Variants in CTNNA3 observed in about 807,000 individuals in gnomAD.
CTNNA3 encodes catenin alpha 3.
A neutral mutation model predicts 95.7 loss-of-function variants in CTNNA3; 76 were observed. The observed-to-expected ratio is 0.79, with a 90% CI of 0.66 to 0.96. CTNNA3 has a LOEUF of 0.96. Ranked by LOEUF, CTNNA3 falls within the 40% of genes least tolerant of loss-of-function variation. The pLI is 0.00. For synonymous variants in CTNNA3, 431 were observed against 374.4 expected (o/e 1.15, Z -1.74); for missense variants, 1,191 against 1,089.8 (o/e 1.09, Z -1.31).
chr10:67,380,039 A>AAAAG (rs1190172168), intron 5 of CTNNA3, among the ~76,000 whole-genome samples: 7 of 151,074 alleles, frequency 4.6e-5, no homozygotes, highest in Admixed American at 6.6e-5. Flanking sequence ...AAAAAAAAAA[A>AAAAG]AAAAGAATTA....
rs80117776 is a variant in CTNNA3 at position 67,079,993 on chromosome 10, G to A, written c.1047+100324C>T. The stretch of plus-strand genomic sequence containing the variant: ...AAATTGCTGTAGTTAGAGGAGGGTG[G>A]TTGTACAAGGTTTTGGTTTTGTTTT... On this transcript the variant is annotated intron_variant, in intron 7 of 17. Transcript: ENST00000433211. Among the ~76,000 whole-genome samples, 1,380 of 152,044 alleles carry A rather than the reference G, an allele frequency of 9.1e-3. 55 individuals carry two copies. In the East Asian group the frequency reaches 0.12, roughly 13 times the overall value.
chr10:67,616,159 G>T (rs1467943089), intron 2 of CTNNA3, among the ~76,000 whole-genome samples: 6 of 152,086 alleles, frequency 3.9e-5, no homozygotes, highest in Non-Finnish European at 5.9e-5. Context: ...AGGCGCAAAG[G>T]TTCCAAAACA....
intron 5 of CTNNA3, among the ~76,000 whole-genome samples, chr10:67,272,249 A>G (rs535876052): frequency 3.9e-5 from 6 of 152,210 alleles, no homozygotes; most frequent in African/African-American, 1.4e-4. Flanking sequence ...GTAGCACCCA[A>G]TTTTTTTAAA....
chr10:66,845,729 A>AAAAATAAAAAC (rs1297933220), intron 7 of CTNNA3, among the ~76,000 whole-genome samples: 6 of 87,732 alleles, frequency 6.8e-5, no homozygotes, highest in Non-Finnish European at 1.3e-4. Flanking sequence ...AAAAAAAAAA[A>AAAAATAAAAAC]CTAAAAAGGT....
intron 7 of CTNNA3, among the ~76,000 whole-genome samples, chr10:67,092,368 G>T (rs949967565): frequency 1.6e-4 from 24 of 151,924 alleles, no homozygotes; most frequent in Non-Finnish European, 3.5e-4. Context: ...ACTAGAGAGA[G>T]AATTCTAGAG....
At chr10:66,978,541 A>ATAAAAGAAAAATAAAAAAAAT (rs1437563245) in intron 7 of CTNNA3, among the ~76,000 whole-genome samples, 1 of 111,194 alleles carries the variant, frequency 9.0e-6, no homozygotes, top group Non-Finnish European at 1.9e-5. Context: ...AAAAAAAAAA[A>ATAAAAGAAAAATAAAAAAAAT]AAAAAAAAAA....
chr10:66,599,577 C>T (rs935093354), intron 10 of CTNNA3, among the ~76,000 whole-genome samples: 189 of 151,988 alleles, frequency 1.2e-3, no homozygotes, highest in Non-Finnish European at 1.7e-3. Context: ...AATACAGTAA[C>T]ACCATATAAG....
chr10:66,439,199 T>G (rs4603198), intron 11 of CTNNA3, among the ~76,000 whole-genome samples: 1 of 152,094 alleles, frequency 6.6e-6, no homozygotes, highest in Non-Finnish European at 1.5e-5. Context: ...TAATTATAAC[T>G]TTATAAGATA....
At chr10:66,753,435 G>A (rs1193930920) in intron 9 of CTNNA3, among the ~76,000 whole-genome samples, 1 of 152,022 alleles carries the variant, frequency 6.6e-6, no homozygotes, top group Non-Finnish European at 1.5e-5. Context: ...GGCTGAAGTG[G>A]GCAGGTCACC....
chr10:67,754,544 A>AGACT (rs1841423560), intron 1 of CTNNA3, among the ~76,000 whole-genome samples: 1 of 152,212 alleles, frequency 6.6e-6, no homozygotes, highest in African/African-American at 2.4e-5. Flanking sequence ...AATGGATAAA[A>AGACT]GACTTAAGTC....
chr10:66,141,215 T>G (rs12414684), intron 13 of CTNNA3, among the ~76,000 whole-genome samples: 12 of 151,084 alleles, frequency 7.9e-5, no homozygotes, highest in African/African-American at 2.9e-4. Context: ...GCTTAGATCA[T>G]GCCACTTGAC....
intron 7 of CTNNA3, among the ~76,000 whole-genome samples, chr10:67,000,414 G>T (rs966603886): frequency 6.6e-6 from 1 of 152,084 alleles, no homozygotes; most frequent in Non-Finnish European, 1.5e-5. Flanking sequence ...AAATGAAACC[G>T]ATCTACTTAT....
chr10:66,013,886 A>G (rs1410493085), intron 15 of CTNNA3, among the ~76,000 whole-genome samples: 1 of 152,182 alleles, frequency 6.6e-6, no homozygotes, highest in Admixed American at 6.5e-5. Context: ...ATCCTTGATT[A>G]TATGTTGAAA....
At chr10:67,676,815 C>CCAA (rs1840543797) in intron 1 of CTNNA3, among the ~76,000 whole-genome samples, 1 of 152,148 alleles carries the variant, frequency 6.6e-6, no homozygotes, top group African/African-American at 2.4e-5. Context: ...ATGCCTTCAA[C>CCAA]GTTTTAATTT....
chr10:67,050,781 G>A (rs1855043442), intron 7 of CTNNA3, among the ~76,000 whole-genome samples: 1 of 152,212 alleles, frequency 6.6e-6, no homozygotes, highest in South Asian at 2.1e-4. Context: ...TTAAAATGAG[G>A]TAGGTTGTGA....
chr10:67,367,914 G>C (rs1355342581), intron 5 of CTNNA3, among the ~76,000 whole-genome samples: 3 of 152,096 alleles, frequency 2.0e-5, no homozygotes, highest in Non-Finnish European at 2.9e-5. Context: ...GGAAAGTGTT[G>C]AAAAACTAAT....
At chr10:67,210,361 A>G (rs567786903) in intron 6 of CTNNA3, among the ~76,000 whole-genome samples, 1 of 152,290 alleles carries the variant, frequency 6.6e-6, no homozygotes, top group Non-Finnish European at 1.5e-5. Context: ...TAGTAGTCTT[A>G]ATTGCTAAAA....
At chr10:67,554,871 G>T (rs932398505) in intron 3 of CTNNA3, among the ~76,000 whole-genome samples, 1 of 152,090 alleles carries the variant, frequency 6.6e-6, no homozygotes, top group East Asian at 1.9e-4. Flanking sequence ...TTTCTTCTAG[G>T]GTTTTTATCG....
intron 13 of CTNNA3, among the ~76,000 whole-genome samples, chr10:66,233,609 C>T (rs992723533): frequency 2.0e-5 from 3 of 152,132 alleles, no homozygotes; most frequent in African/African-American, 7.2e-5. Flanking sequence ...TTACAGTGCT[C>T]CAGCACTGCA....
Sources: gnomAD v4.1 joint callset for allele counts (sites outside exome capture counted in the v4.1 genomes callset) on GRCh38, gnomAD v4.1.1 for gene constraint, MANE v1.5 for transcripts, NCBI Gene and HGNC (gene_info 2026-07-23, HGNC 2026-07-21) for gene names.